RASAL2: variants seen among roughly 807,000 people sequenced by gnomAD.
RASAL2 encodes RAS protein activator like 2, also known as ras GTPase-activating protein nGAP.
RASAL2 carries 58 observed loss-of-function variants against 128.9 expected under a neutral mutation model. The ratio of observed to expected loss-of-function variants is 0.45; its 90% CI spans 0.36 to 0.56. The LOEUF is 0.56. Ranked by LOEUF, RASAL2 falls within the 20% of genes least tolerant of loss-of-function variation. RASAL2 has a pLI of 0.00. For synonymous variants in RASAL2, 561 were observed against 580.8 expected (o/e 0.97, Z 0.49); for missense variants, 1,360 against 1,601.6 (o/e 0.85, Z 2.57).
intron 3 of RASAL2, among the ~76,000 whole-genome samples, chr1:178,335,763 T>G (rs1462274372): frequency 6.6e-6 from 1 of 152,160 alleles, no homozygotes; most frequent in Non-Finnish European, 1.5e-5. Context: ...ATTCAGTACA[T>G]CGTTCCAATA....
chr1:178,456,804 G>A lies in RASAL2; in HGVS notation c.2295G>A (p.Gln765=), dbSNP rs780922218. 10 of 1,613,994 alleles carry A rather than the reference G, an allele frequency of 6.2e-6. No individual in the cohort carries two copies. The African/African-American group carries it at 1.1e-4, about 17-fold the overall frequency. Residue 765 remains glutamine (Q), a synonymous_variant, in exon 13 of 18, where the codon CAG becomes CAA. Transcript: ENST00000367649. ...KSLTNPTPIQ[Q]QLRRFTEHNS... Reference sequence around the variant, plus strand: ...TGACTAATCCTACGCCAATACAACAGCAACTGAGACGCTTCACTGAACATA... The same window carrying A: ...TGACTAATCCTACGCCAATACAACAACAACTGAGACGCTTCACTGAACATA...
rs1040048782 is a variant in RASAL2 at position 178,474,404 on chromosome 1, A to G, written c.*1165A>G. On this transcript the variant is annotated 3_prime_UTR_variant, in exon 18 of 18. Transcript: ENST00000367649. ...AGTACTTCTTCCCCTTATCCCCTCA[A>G]TAAAGAAAGGAAATCCAAATTTGAA... 13 of 152,232 alleles carry G rather than the reference A, an allele frequency of 8.5e-5. No homozygotes were observed. The highest frequency in any genetic ancestry group is 7.9e-4 in the Admixed American group (12 of 15,284). The allele number at this position is 152,232 out of a possible 1,614,324, so 9.4% of individuals were successfully genotyped here. A position where few individuals can be genotyped will look rare whatever the true frequency, so the allele number is the denominator to read the frequency against.
chr1:178,383,589 C>G (rs1672396515), intron 3 of RASAL2, among the ~76,000 whole-genome samples: 1 of 152,120 alleles, frequency 6.6e-6, no homozygotes, highest in Non-Finnish European at 1.5e-5. Flanking sequence ...TTCATGAAAG[C>G]CTTTTTTGTT....
intron 1 of RASAL2, among the ~76,000 whole-genome samples, chr1:178,209,275 G>C (rs1033001737): frequency 6.6e-6 from 1 of 151,980 alleles, no homozygotes; most frequent in Non-Finnish European, 1.5e-5. Flanking sequence ...TCCCATAAAT[G>C]CTTTTATGGA....
chr1:178,229,582 C>T lies in RASAL2; in HGVS notation c.203-53982C>T, dbSNP rs147519001. 1.5e-3 allele frequency among the ~76,000 whole-genome samples: 220 copies of T among 151,716 alleles called. 1 individual carries two copies. The highest frequency in any genetic ancestry group is 5.0e-3 in the African/African-American group (207 of 41,354). On this transcript the variant is annotated intron_variant, in intron 1 of 17. Transcript: ENST00000367649. ...AATGACACACAAATGATGTTGTATC[C>T]CTCACTGTTCATCAATCATATCAGG...
At chr1:178,263,009 G>A (rs1428366322) in intron 1 of RASAL2, among the ~76,000 whole-genome samples, 1 of 152,000 alleles carries the variant, frequency 6.6e-6, no homozygotes, top group African/African-American at 2.4e-5. Flanking sequence ...TTTTGGCACA[G>A]CAATATAACT....
At position 178,327,887 on chromosome 1, in the gene RASAL2, A is replaced by G. The variant is rs78818261; in HGVS notation, c.457+27769A>G. On this transcript the variant is annotated intron_variant, in intron 3 of 17. Coordinates refer to ENST00000367649, the MANE Select transcript of RASAL2 (RefSeq NM_170692.4). ...AGAAAAAGGGAAGACATAGACATGG[A>G]GGAGAAGGCCTTGTGAAGACAGAGA... Among the ~76,000 whole-genome samples the G allele has an allele frequency of 3.9e-5, 6 of 152,282 alleles. No individual in the cohort carries two copies. In the East Asian group the frequency reaches 1.2e-3, roughly 29 times the overall value.
At chr1:178,192,790 A>C (rs1325881284) in intron 1 of RASAL2, among the ~76,000 whole-genome samples, 1 of 152,202 alleles carries the variant, frequency 6.6e-6, no homozygotes, top group South Asian at 2.1e-4. Context: ...GAGTCTGGCC[A>C]GCTATTTCCT....
intron 1 of RASAL2, among the ~76,000 whole-genome samples, chr1:178,182,335 T>A (rs1422975258): frequency 6.6e-6 from 1 of 152,200 alleles, no homozygotes; most frequent in Non-Finnish European, 1.5e-5. Flanking sequence ...ATATTTCCTG[T>A]TCCAGTCCTG....
At chr1:178,120,268 T>C (rs983384600) in intron 1 of RASAL2, among the ~76,000 whole-genome samples, 1 of 152,228 alleles carries the variant, frequency 6.6e-6, no homozygotes, top group African/African-American at 2.4e-5. Flanking sequence ...CTCTTGGTAT[T>C]TTAAGTGTAG....
intron 17 of RASAL2, among the ~76,000 whole-genome samples, chr1:178,470,890 G>A (rs1411240476): frequency 2.0e-5 from 3 of 152,156 alleles, no homozygotes; most frequent in Non-Finnish European, 4.4e-5. Flanking sequence ...TGAAATGTCC[G>A]AGCATCTTTT....
chr1:178,201,063 A>G (rs528352516), intron 1 of RASAL2, among the ~76,000 whole-genome samples: 1 of 152,310 alleles, frequency 6.6e-6, no homozygotes, highest in African/African-American at 2.4e-5. Context: ...ACCCACAAGG[A>G]GGTGTGCTAC....
intron 4 of RASAL2, among the ~76,000 whole-genome samples, chr1:178,414,772 T>A (rs1674643565): frequency 6.6e-6 from 1 of 152,168 alleles, no homozygotes; most frequent in South Asian, 2.1e-4. Flanking sequence ...AATTATTGAC[T>A]CAATTTCTTT....
At chr1:178,211,622 C>G (rs1200311193) in intron 1 of RASAL2, among the ~76,000 whole-genome samples, 1 of 152,084 alleles carries the variant, frequency 6.6e-6, no homozygotes, top group Non-Finnish European at 1.5e-5. Flanking sequence ...CCATGCTGTT[C>G]TCTTTGCTGG....
intron 3 of RASAL2, among the ~76,000 whole-genome samples, chr1:178,367,880 T>C (rs1162054923): frequency 2.0e-5 from 3 of 152,352 alleles, no homozygotes; most frequent in Admixed American, 6.5e-5. Flanking sequence ...TATCCGGACA[T>C]ACATTAAGTA....
intron 1 of RASAL2, among the ~76,000 whole-genome samples, chr1:178,139,636 ATTTATTTATTTG>A (rs1331624662): frequency 6.6e-6 from 1 of 151,938 alleles, no homozygotes; most frequent in Non-Finnish European, 1.5e-5. Context: ...GAAGTTATTT[ATTTATTTATTTG>A]TTTATTTATT....
intron 1 of RASAL2, among the ~76,000 whole-genome samples, chr1:178,138,002 C>T (rs1487737819): frequency 6.6e-6 from 1 of 152,214 alleles, no homozygotes. Flanking sequence ...ATTGTGGAAA[C>T]AGAGATGCTC....
chr1:178,117,185 T>C (rs530011540), intron 1 of RASAL2, among the ~76,000 whole-genome samples: 8 of 152,322 alleles, frequency 5.3e-5, no homozygotes, highest in African/African-American at 1.9e-4. Context: ...CTTTCTCTAC[T>C]AGAGTTAACT....
chr1:178,166,854 T>C (rs1163467913), intron 1 of RASAL2, among the ~76,000 whole-genome samples: 1 of 152,130 alleles, frequency 6.6e-6, no homozygotes, highest in Non-Finnish European at 1.5e-5. Context: ...AGGATGTGGC[T>C]GAAAGTTCTA....
Sources: allele counts gnomAD v4.1 joint callset (sites outside exome capture counted in the v4.1 genomes callset), GRCh38; gene constraint gnomAD v4.1.1; transcripts MANE v1.5; gene names NCBI Gene and HGNC (gene_info 2026-07-23, HGNC 2026-07-21).